Variants in SMYD3 observed in about 807,000 individuals in gnomAD.
SMYD3 encodes the protein histone-lysine N-methyltransferase SMYD3.
Under a neutral mutation model 57.7 loss-of-function variants are expected in SMYD3, and 36 were observed. That is an observed-to-expected ratio of 0.62 (90% CI 0.48 to 0.82). The LOEUF (loss-of-function observed/expected upper bound fraction) is 0.82. Among genes scored for constraint, SMYD3 ranks in the 40% least tolerant of loss-of-function variants. The pLI, the probability that SMYD3 is intolerant of heterozygous loss-of-function variation, is 0.00. For missense variants in SMYD3, 515 were observed against 538.8 expected (o/e 0.96, Z 0.44); for synonymous variants, 211 against 195.0 (o/e 1.08, Z -0.68).
chr1:246,138,522 T>C (rs1429016918), intron 5 of SMYD3, among the ~76,000 whole-genome samples: 1 of 103,906 alleles, frequency 9.6e-6, no homozygotes, highest in Non-Finnish European at 2.8e-5. Context: ...GCCTCCCAGG[T>C]TCACACCATT....
chr1:245,986,906 A>G (rs1478084692), intron 5 of SMYD3, among the ~76,000 whole-genome samples: 2 of 152,250 alleles, frequency 1.3e-5, no homozygotes, highest in African/African-American at 4.8e-5. Context: ...GAAAATCCAG[A>G]GACAAATATA....
chr1:246,395,211 T>TCCC (rs2066640450), intron 1 of SMYD3, among the ~76,000 whole-genome samples: 1 of 152,146 alleles, frequency 6.6e-6, no homozygotes, highest in Non-Finnish European at 1.5e-5. Context: ...TTTACCACTA[T>TCCC]CCCCAAGCAA....
chr1:245,853,190 G>A (rs776683347), intron 10 of SMYD3, among the ~76,000 whole-genome samples: 2 of 152,108 alleles, frequency 1.3e-5, no homozygotes, highest in African/African-American at 2.4e-5. Flanking sequence ...TCTTCTTCTG[G>A]GGTGAGAACT....
chr1:245,850,260 T>C (rs766048027), intron 10 of SMYD3, among the ~76,000 whole-genome samples: 15 of 152,222 alleles, frequency 9.9e-5, no homozygotes, highest in Non-Finnish European at 2.2e-4. Flanking sequence ...CAATTTTTGT[T>C]GATACTTAAT....
chr1:246,217,495 C>CAAGACCCTGTCTCAAAATATA (rs1178846797), intron 5 of SMYD3, among the ~76,000 whole-genome samples: 8 of 151,936 alleles, frequency 5.3e-5, no homozygotes, highest in African/African-American at 1.9e-4. Flanking sequence ...GGTAATAGAC[C>CAAGACCCTGTCTCAAAATATA]AAGACCCTGT....
chr1:246,326,694 G>T (rs184868681), intron 5 of SMYD3: 1 of 296,156 alleles, frequency 3.4e-6, no homozygotes, highest in East Asian at 6.7e-5. Flanking sequence ...ATTCTGGGAG[G>T]CGGAGATTGC....
At chr1:246,446,880 T>G (rs1206417014) in intron 1 of SMYD3, among the ~76,000 whole-genome samples, 2 of 152,002 alleles carry the variant, frequency 1.3e-5, no homozygotes, top group Non-Finnish European at 2.9e-5. Flanking sequence ...ATACAAAAAA[T>G]TAGCCAGTCA....
chr1:246,481,609 C>CACACACACAT lies in SMYD3; in HGVS notation c.164+25444_164+25445insATGTGTGTGT, dbSNP rs1553354781. 3.5e-4 allele frequency among the ~76,000 whole-genome samples: 12 copies of CACACACACAT among 34,192 alleles called. 1 individual carries two copies. The highest frequency in any genetic ancestry group is 1.5e-3 in the African/African-American group (12 of 8,030). 22.4% of individuals were successfully genotyped at this position (34,192 alleles called of 152,430 possible). ...CTCAGGCTCCATATATATATATATA[C>CACACACACAT]ACATACATATATACATACATACATA... On this transcript the variant is annotated intron_variant, in intron 1 of 11. Coordinates refer to ENST00000490107, the MANE Select transcript of SMYD3 (RefSeq NM_001167740.2).
intron 5 of SMYD3, among the ~76,000 whole-genome samples, chr1:246,301,370 G>A (rs1362536743): frequency 6.6e-6 from 1 of 151,662 alleles, no homozygotes; most frequent in Non-Finnish European, 1.5e-5. Context: ...ATAAAAGACA[G>A]GATGAGATGA....
At position 245,956,866 on chromosome 1, in the gene SMYD3, C is replaced by T. The variant is rs546656405; in HGVS notation, c.532-26929G>A. Among the ~76,000 whole-genome samples, 8 of 152,326 alleles carry T rather than the reference C, an allele frequency of 5.3e-5. No individual in the cohort carries two copies. The East Asian group carries it at 1.5e-3, about 29-fold the overall frequency. On this transcript the variant is annotated intron_variant, in intron 5 of 11. Transcript: ENST00000490107. Reference sequence around the variant, plus strand: ...CATCCTTTGGTTTGAACATTGCATACCCATCTTAAGGCAGTTGATCCACCC... The same window carrying T: ...CATCCTTTGGTTTGAACATTGCATATCCATCTTAAGGCAGTTGATCCACCC...
chr1:246,152,950 A>C (rs536086577), intron 5 of SMYD3, among the ~76,000 whole-genome samples: 2 of 152,278 alleles, frequency 1.3e-5, no homozygotes, highest in East Asian at 3.9e-4. Context: ...ATGTTTTATA[A>C]CACTAGGCTG....
chr1:245,953,433 G>C (rs6679692), intron 5 of SMYD3: 96,590 of 839,206 alleles, frequency 0.12, 6,931 homozygotes, highest in East Asian at 0.46. Context: ...GTTTTGTTTT[G>C]TTTTTGAGAC....
At chr1:245,851,266 G>A (rs1479299874) in intron 10 of SMYD3, among the ~76,000 whole-genome samples, 1 of 152,220 alleles carries the variant, frequency 6.6e-6, no homozygotes, top group Non-Finnish European at 1.5e-5. Context: ...CCACCAGAAT[G>A]AGGACTTTGT....
chr1:246,394,595 C>T (rs993138161), intron 1 of SMYD3, among the ~76,000 whole-genome samples: 3 of 152,318 alleles, frequency 2.0e-5, no homozygotes, highest in African/African-American at 2.4e-5. Context: ...CTCTTAAGTC[C>T]TATTGTTGTA....
intron 10 of SMYD3, among the ~76,000 whole-genome samples, chr1:245,797,105 G>C (rs1359921537): frequency 6.6e-6 from 1 of 152,148 alleles, no homozygotes; most frequent in Non-Finnish European, 1.5e-5. Context: ...TTCTATTCAA[G>C]TACCAAATTG....
At chr1:245,928,509 T>C (rs971724144) in intron 6 of SMYD3, among the ~76,000 whole-genome samples, 1 of 51,882 alleles carries the variant, frequency 1.9e-5, no homozygotes, top group Admixed American at 2.5e-4. Flanking sequence ...CTGTCCCTAC[T>C]AAAAATACAA....
chr1:245,926,028 G>A (rs944001597), intron 7 of SMYD3, among the ~76,000 whole-genome samples: 5 of 152,134 alleles, frequency 3.3e-5, no homozygotes, highest in Non-Finnish European at 7.3e-5. Context: ...GCATGGCACC[G>A]GCATCTGGGG....
chr1:245,994,025 C>T (rs2058872568), intron 5 of SMYD3, among the ~76,000 whole-genome samples: 1 of 152,112 alleles, frequency 6.6e-6, no homozygotes, highest in Non-Finnish European at 1.5e-5. Flanking sequence ...GAAAATCGTT[C>T]CGTTCTAAGG....
intron 10 of SMYD3, among the ~76,000 whole-genome samples, chr1:245,797,992 G>A (rs908749438): frequency 3.3e-5 from 5 of 152,162 alleles, no homozygotes. Flanking sequence ...TTGAGGTACA[G>A]AAACCAGATA....
Sources: gnomAD v4.1 joint callset for allele counts (sites outside exome capture counted in the v4.1 genomes callset) on GRCh38, gnomAD v4.1.1 for gene constraint, MANE v1.5 for transcripts, NCBI Gene and HGNC (gene_info 2026-07-23, HGNC 2026-07-21) for gene names.